SPTBN1: variants seen among roughly 807,000 people sequenced by gnomAD.
SPTBN1 encodes the protein spectrin beta, non-erythrocytic 1.
SPTBN1 carries 32 observed loss-of-function variants against 266.4 expected under a neutral mutation model. The ratio of observed to expected loss-of-function variants is 0.12; its 90% CI spans 0.09 to 0.16. The LOEUF (loss-of-function observed/expected upper bound fraction) is 0.16, where lower values mean the gene tolerates loss of function less well. Ranked by LOEUF, SPTBN1 falls within the 10% of genes least tolerant of loss-of-function variation. The probability of loss-of-function intolerance (pLI) is 1.00; values close to 1 mark genes in which losing one functional copy is unlikely to be tolerated. For synonymous variants in SPTBN1, 1,336 were observed against 1,162.2 expected (o/e 1.15, Z -3.04); for missense variants, 2,296 against 3,067.1 (o/e 0.75, Z 5.94).
At chr2:54,600,714 A>ATTTTTTTT (rs374090607) in intron 3 of SPTBN1, among the ~76,000 whole-genome samples, 1 of 126,932 alleles carries the variant, frequency 7.9e-6, no homozygotes. Context: ...TTATTTATTG[A>ATTTTTTTT]TTTTTTTTTT....
At position 54,628,995 on chromosome 2, in the gene SPTBN1, C is replaced by G; in HGVS notation, c.1861C>G (p.Gln621Glu). The G allele has an allele frequency of 1.2e-6, 2 of 1,613,794 alleles. No individual in the cohort carries two copies. Among genetic ancestry groups the G allele is most frequent in the Non-Finnish European group, 1.7e-6 (2 of 1,179,978 alleles). Residue 621 changes from glutamine (Q) to glutamate (E), a missense_variant, in exon 14 of 36, where the codon CAA (glutamine) becomes GAA (glutamate). Around this residue, in one of 12 missense-constraint regions of SPTBN1, gnomAD observed 434 missense variants for 573.9 expected, o/e 0.76. Coordinates refer to ENST00000356805, the MANE Select transcript of SPTBN1 (RefSeq NM_003128.3). The surrounding 1 kb of genome is among the most constrained non-coding windows in gnomAD (Gnocchi z 4.3). Reference protein sequence around the residue: ...DRVAHMEFCYQELCQLAAERR... With the variant: ...DRVAHMEFCYEELCQLAAERR... ...CGTGGCCCACATGGAGTTCTGTTATCAAGAGCTTTGCCAGCTGGCGGCTGA... is the reference window on the plus strand; with the variant it reads ...CGTGGCCCACATGGAGTTCTGTTATGAAGAGCTTTGCCAGCTGGCGGCTGA...
At chr2:54,496,538 ATTAAC>A (rs570746317) in intron 1 of SPTBN1, among the ~76,000 whole-genome samples, 3 of 151,896 alleles carry the variant, frequency 2.0e-5, no homozygotes, top group Middle Eastern at 3.4e-3. Flanking sequence ...TTTCACATGT[ATTAAC>A]TTATTTAGTC....
At chr2:54,637,413 C>T (rs1679223184) in intron 17 of SPTBN1, among the ~76,000 whole-genome samples, 1 of 152,078 alleles carries the variant, frequency 6.6e-6, no homozygotes, top group Non-Finnish European at 1.5e-5. Flanking sequence ...TTGTACAAAG[C>T]GTGTGCTCAT....
At chr2:54,469,328 T>A (rs1693799498) in intron 1 of SPTBN1, among the ~76,000 whole-genome samples, 1 of 152,172 alleles carries the variant, frequency 6.6e-6, no homozygotes, top group Non-Finnish European at 1.5e-5. Context: ...TTGCTGTTAG[T>A]CTCATTTGGG....
chr2:54,651,418 T>C (rs542973234), intron 26 of SPTBN1, among the ~76,000 whole-genome samples: 85 of 152,340 alleles, frequency 5.6e-4, no homozygotes, highest in Admixed American at 8.5e-4. Flanking sequence ...ACTGCAGGTA[T>C]TGACCTGATC....
Position 54,488,201 on chromosome 2 carries a change from T to C in SPTBN1, c.-48+31683T>C, listed in dbSNP as rs146861152. ...TCTGTATTTTGAAATTCCTAGGTGA[T>C]TTTGGTGACCATCCAAGTTTGAGAC... On this transcript the variant is annotated intron_variant, in intron 1 of 35. Coordinates refer to ENST00000356805, the MANE Select transcript of SPTBN1 (RefSeq NM_003128.3). 5.0e-3 allele frequency among the ~76,000 whole-genome samples: 757 copies of C among 152,220 alleles called. 6 individuals carry two copies. The highest frequency in any genetic ancestry group is 0.017 in the African/African-American group (723 of 41,542).
intron 18 of SPTBN1, among the ~76,000 whole-genome samples, chr2:54,641,243 G>A (rs1679529478): frequency 6.6e-6 from 1 of 152,178 alleles, no homozygotes. Flanking sequence ...GTAGGATGAT[G>A]TGTTCAGCAA....
chr2:54,537,190 C>G (rs1269253653), intron 2 of SPTBN1, among the ~76,000 whole-genome samples: 1 of 152,228 alleles, frequency 6.6e-6, no homozygotes, highest in Non-Finnish European at 1.5e-5. Flanking sequence ...TGCTTAGTAT[C>G]TGCTCCTCCT....
At chr2:54,458,264 A>G (rs1290509896) in intron 1 of SPTBN1, among the ~76,000 whole-genome samples, 6 of 152,248 alleles carry the variant, frequency 3.9e-5, no homozygotes, top group African/African-American at 1.4e-4. Context: ...TTATAAGTAT[A>G]TTAAAATTCA....
intron 2 of SPTBN1, among the ~76,000 whole-genome samples, chr2:54,565,890 AT>A (rs1424138915): frequency 1.3e-5 from 2 of 152,244 alleles, no homozygotes; most frequent in African/African-American, 4.8e-5. Context: ...CAATTCCAGT[AT>A]TGTTGATTAC....
At chr2:54,658,130 C>T (rs757239277) in intron 30 of SPTBN1, 84 bp downstream of exon 30, 15 of 1,501,718 alleles carry the variant, frequency 1.0e-5, no homozygotes, top group Admixed American at 4.0e-5. Flanking sequence ...GGAATTCACA[C>T]GATTGCTTGT....
At chr2:54,471,995 T>C (rs146493982) in intron 1 of SPTBN1, among the ~76,000 whole-genome samples, 1 of 146,238 alleles carries the variant, frequency 6.8e-6, no homozygotes, top group Non-Finnish European at 1.5e-5. Context: ...TCTTTGTAGT[T>C]TGAATAAAAA....
intron 1 of SPTBN1, among the ~76,000 whole-genome samples, chr2:54,475,244 C>T (rs867933727): frequency 1.1e-4 from 17 of 152,082 alleles, no homozygotes; most frequent in East Asian, 3.9e-4. Flanking sequence ...CCCTTGCAAA[C>T]GGTTAGTTTG....
intron 2 of SPTBN1, among the ~76,000 whole-genome samples, chr2:54,596,368 C>T (rs577709775): frequency 6.6e-5 from 10 of 152,322 alleles, no homozygotes; most frequent in African/African-American, 2.4e-4. Context: ...TGTCTCCCTC[C>T]TTCCAACTTC....
intron 7 of SPTBN1, among the ~76,000 whole-genome samples, chr2:54,619,084 TAGAG>T (rs940131656): frequency 1.3e-5 from 2 of 152,196 alleles, no homozygotes; most frequent in South Asian, 2.1e-4. Context: ...GAACAAATAT[TAGAG>T]AGGAAAAAAA....
chr2:54,628,165 C>T lies in SPTBN1; in HGVS notation c.1713C>T (p.Thr571=). 5 of 1,613,888 alleles carry T rather than the reference C, an allele frequency of 3.1e-6. No individual in the cohort carries two copies. Among genetic ancestry groups the T allele is most frequent in the Non-Finnish European group, 4.2e-6 (5 of 1,179,900 alleles). The part of the protein sequence containing the change: ...LGVEDLLQKH[T]LVEADIGIQA... ...TGGAAGACCTGTTACAGAAGCACAC[C>T]CTGGTTGAAGCAGACATTGGCATCC... is the stretch of plus-strand genomic sequence containing the variant. Residue 571 remains threonine (T), a synonymous_variant, in exon 13 of 36, where the codon ACC becomes ACT. Coordinates refer to ENST00000356805, the MANE Select transcript of SPTBN1 (RefSeq NM_003128.3). This position sits in a 1 kb window ranked among gnomAD's most constrained non-coding sequence, Gnocchi z 4.3.
At chr2:54,657,283 A>C (rs550282575) in intron 29 of SPTBN1, among the ~76,000 whole-genome samples, 1 of 152,092 alleles carries the variant, frequency 6.6e-6, no homozygotes. Context: ...ACACACAACT[A>C]CCGCCCAAAA....
intron 2 of SPTBN1, among the ~76,000 whole-genome samples, chr2:54,592,261 AAAG>A (rs1283634701): frequency 5.9e-5 from 9 of 152,268 alleles, no homozygotes; most frequent in African/African-American, 9.6e-5. Flanking sequence ...CCTAAAAAGA[AAAG>A]AAGTAGATGT....
At chr2:54,567,652 G>A (rs1231282805) in intron 2 of SPTBN1, among the ~76,000 whole-genome samples, 1 of 152,150 alleles carries the variant, frequency 6.6e-6, no homozygotes, top group Non-Finnish European at 1.5e-5. Flanking sequence ...AAGGCCTTGA[G>A]TGTATCTATT....
Sources: gnomAD v4.1 joint callset for allele counts (sites outside exome capture counted in the v4.1 genomes callset) on GRCh38, gnomAD v4.1.1 for gene constraint, gnomAD v4.1.1 regional missense constraint, Gnocchi (gnomAD v3.1) non-coding constraint, MANE v1.5 for transcripts, NCBI Gene and HGNC (gene_info 2026-07-23, HGNC 2026-07-21) for gene names.